ZNF106: variants seen among roughly 807,000 people sequenced by gnomAD.
ZNF106 encodes zinc finger protein 106.
In ZNF106, 67 loss-of-function variants were observed where a neutral mutation model predicts 195.1. The observed-to-expected ratio is 0.34, with a 90% CI of 0.28 to 0.42. ZNF106 has a LOEUF of 0.42. ZNF106 is among the 10% of genes least tolerant of loss of function. ZNF106 has a pLI of 1.00. For synonymous variants in ZNF106, 784 were observed against 818.6 expected (o/e 0.96, Z 0.72); for missense variants, 2,118 against 2,304.5 (o/e 0.92, Z 1.66).
At chr15:42,431,847 CA>C in intron 14 of ZNF106, among the ~76,000 whole-genome samples, 1 of 152,272 alleles carries the variant, frequency 6.6e-6, no homozygotes, top group South Asian at 2.1e-4. Flanking sequence ...CTCCTGACCT[CA>C]AGTGATCCAC....
At chr15:42,457,518 G>T in intron 3 of ZNF106, 1 of 1,122,378 alleles carries the variant, frequency 8.9e-7, no homozygotes, top group South Asian at 2.6e-5. Context: ...CACACCCATG[G>T]TGCCAGCTGC....
At chr15:42,425,248 C>T (rs1261120114) in intron 15 of ZNF106, among the ~76,000 whole-genome samples, 1 of 152,208 alleles carries the variant, frequency 6.6e-6, no homozygotes, top group Non-Finnish European at 1.5e-5. Flanking sequence ...ACATTATAAA[C>T]TCATTTATAA....
rs1173722652 is a variant in ZNF106 at position 42,435,523 on chromosome 15, A to C, written c.4747-5T>G. The C allele has an allele frequency of 3.7e-6, 6 of 1,614,202 alleles. No homozygotes were observed. The highest frequency in any genetic ancestry group is 4.2e-6 in the Non-Finnish European group (5 of 1,180,014). On this transcript the variant is annotated splice_region_variant and splice_polypyrimidine_tract_variant and intron_variant, in intron 13 of 21. Coordinates refer to ENST00000564754, the MANE Select transcript of ZNF106 (RefSeq NM_001366845.3). ...GACACCAATACATTTCCGACTCTAA[A>C]GTTTAAGCACAGACCAGATTATTAC... is the stretch of plus-strand genomic sequence containing the variant.
chr15:42,438,688 T>C (rs369077182), intron 11 of ZNF106, 21 bp from the exon 12 acceptor site: 8 of 1,611,658 alleles, frequency 5.0e-6, no homozygotes, highest in Non-Finnish European at 5.9e-6. Flanking sequence ...ATAGCAAAAG[T>C]GTTCTCAGCA....
intron 17 of ZNF106, among the ~76,000 whole-genome samples, 175 bp from the exon 18 acceptor site, chr15:42,422,795 G>T (rs2054717520): frequency 6.6e-6 from 1 of 150,734 alleles, no homozygotes; most frequent in Admixed American, 6.6e-5. Flanking sequence ...TTTAATAGCA[G>T]AAGTATCCCA....
intron 2 of ZNF106, among the ~76,000 whole-genome samples, chr15:42,471,488 G>A (rs2056667117): frequency 6.6e-6 from 1 of 152,146 alleles, no homozygotes. Flanking sequence ...CTAGCACTTT[G>A]ACAGGCCCGA....
At chr15:42,424,342 C>G (rs1005900755) in intron 16 of ZNF106, 45 of 371,040 alleles carry the variant, frequency 1.2e-4, no homozygotes, top group African/African-American at 7.8e-4. Context: ...TAACAAAATA[C>G]ACTCATTGTT....
At chr15:42,440,687 A>T (rs2055465542) in intron 10 of ZNF106, among the ~76,000 whole-genome samples, 1 of 152,024 alleles carries the variant, frequency 6.6e-6, no homozygotes, top group South Asian at 2.1e-4. Flanking sequence ...AATAATTTTT[A>T]AAAATATGCT....
In ZNF106 at chr15:42,479,716, C is replaced by T. The variant is rs80313180; in HGVS notation, c.-32-7395G>A. The stretch of plus-strand genomic sequence containing the variant: ...AATTAGCCTGGTGTGGTGGCAGGAG[C>T]CTATAATCCCAGCTACTCGGGAGGC... On this transcript the variant is annotated intron_variant, in intron 1 of 21. Coordinates refer to ENST00000564754, the MANE Select transcript of ZNF106 (RefSeq NM_001366845.3). Among the ~76,000 whole-genome samples the T allele has an allele frequency of 8.3e-3, 1,265 of 152,058 alleles. 2 individuals are homozygous for T. Among genetic ancestry groups the T allele is most frequent in the African/African-American group, 0.013 (528 of 41,504 alleles).
chr15:42,448,629 T>C lies in ZNF106; in HGVS notation c.2578A>G (p.Ser860Gly), dbSNP rs573886693. The C allele has an allele frequency of 1.1e-5, 18 of 1,613,834 alleles. No individual in the cohort carries two copies. The highest frequency in any genetic ancestry group is 1.5e-5 in the Non-Finnish European group (18 of 1,180,032). ...CCTTCCCACTGGAATCCTTCTAGACTGGACAGATCAGGTTCCCCATCCAAA... is the reference window on the plus strand; with the variant it reads ...CCTTCCCACTGGAATCCTTCTAGACCGGACAGATCAGGTTCCCCATCCAAA... ...LDLDGEPDLS[S>G]LEGFQWEGVS... The change falls in exon 6 of 22, where the codon AGT becomes GGT. Residue 860 changes from serine to glycine, a missense_variant. By Grantham distance (56) the Ser-to-Gly change is moderately conservative (BLOSUM62 0). Coordinates refer to ENST00000564754, the MANE Select transcript of ZNF106 (RefSeq NM_001366845.3).
intron 3 of ZNF106, among the ~76,000 whole-genome samples, chr15:42,460,860 C>CA (rs34054288): frequency 0.4 from 44,210 of 110,336 alleles, 9,023 homozygotes; most frequent in African/African-American, 0.62. Flanking sequence ...AACTCCGTCT[C>CA]AAAAAAAAAA....
intron 16 of ZNF106, chr15:42,424,607 T>C: frequency 2.2e-6 from 1 of 459,896 alleles, no homozygotes; most frequent in East Asian, 3.7e-5. Context: ...CACCTCAGCC[T>C]CATAAGTAGT....
chr15:42,457,846 A>T (rs912846708), intron 3 of ZNF106, among the ~76,000 whole-genome samples: 2 of 152,238 alleles, frequency 1.3e-5, no homozygotes, highest in Non-Finnish European at 2.9e-5. Context: ...AGTTTCAGAA[A>T]ATGCTACAGT....
rs1271055082 is a variant in ZNF106, at chr15:42,450,261, G to A, written c.2011C>T (p.Arg671Cys). 1.1e-5 allele frequency: 17 copies of A among 1,614,050 alleles called. No homozygotes were observed. Among genetic ancestry groups the A allele is most frequent in the African/African-American group, 6.7e-5 (5 of 74,914 alleles). Residue 671 changes from arginine to cysteine, a missense_variant, in exon 5 of 22, where the codon CGC becomes TGC. Coordinates refer to ENST00000564754, the MANE Select transcript of ZNF106 (RefSeq NM_001366845.3). ...ATTTGTAATTCAGATTCTTTCTGGC[G>A]AACTATGGGATTACATGGGGAAGTG... is the stretch of plus-strand genomic sequence containing the variant. ...LSTSPCNPIVRQKESELQMTS... is the reference protein window; with the variant it reads ...LSTSPCNPIVCQKESELQMTS...
At chr15:42,457,310 T>C in intron 3 of ZNF106, 152 bp from the exon 4 acceptor site, 1 of 1,506,002 alleles carries the variant, frequency 6.6e-7, no homozygotes, top group Admixed American at 2.4e-5. Flanking sequence ...TCATCACTTT[T>C]AATAAGTTTG....
intron 3 of ZNF106, among the ~76,000 whole-genome samples, chr15:42,464,473 A>C (rs1274518676): frequency 6.6e-6 from 1 of 151,850 alleles, no homozygotes; most frequent in Non-Finnish European, 1.5e-5. Context: ...AGTCAAATAC[A>C]TCAAAATAAA....
At chr15:42,481,350 TTTTG>T (rs1247075827) in intron 1 of ZNF106, among the ~76,000 whole-genome samples, 1 of 134,148 alleles carries the variant, frequency 7.5e-6, no homozygotes, top group African/African-American at 3.6e-5. Flanking sequence ...CTGTTTTTTT[TTTTG>T]TTGTTTTTTT....
intron 2 of ZNF106, among the ~76,000 whole-genome samples, chr15:42,471,568 T>C (rs901913843): frequency 3.3e-5 from 5 of 152,072 alleles, no homozygotes; most frequent in Non-Finnish European, 7.4e-5. Context: ...CTGTCTCTAC[T>C]AAAAATACAA....
chr15:42,430,220 C>T (rs533684002), intron 14 of ZNF106, among the ~76,000 whole-genome samples: 2 of 152,072 alleles, frequency 1.3e-5, no homozygotes, highest in African/African-American at 2.4e-5. Context: ...ACTGAAAAGC[C>T]TTTTAAAAGA....
Sources: gnomAD v4.1 joint callset for allele counts (sites outside exome capture counted in the v4.1 genomes callset) on GRCh38, gnomAD v4.1.1 for gene constraint, MANE v1.5 for transcripts, NCBI Gene and HGNC (gene_info 2026-07-23, HGNC 2026-07-21) for gene names.